Variants in PTPN13 observed in about 807,000 individuals in gnomAD.
PTPN13 encodes the protein protein tyrosine phosphatase non-receptor type 13, also known as tyrosine-protein phosphatase non-receptor type 13.
In PTPN13, 191 loss-of-function variants were observed where a neutral mutation model predicts 284.0. The ratio of observed to expected loss-of-function variants is 0.67; its 90% CI spans 0.60 to 0.76. The LOEUF (loss-of-function observed/expected upper bound fraction) is 0.76. PTPN13 is among the 30% of genes least tolerant of loss of function. The pLI, the probability that PTPN13 is intolerant of heterozygous loss-of-function variation, is 0.00. For synonymous variants in PTPN13, 986 were observed against 1,022.3 expected (o/e 0.96, Z 0.68); for missense variants, 2,797 against 2,939.9 (o/e 0.95, Z 1.12).
chr4:86,780,594 C>A (rs1741193742), intron 36 of PTPN13, 122 bp downstream of exon 36: 2 of 700,096 alleles, frequency 2.9e-6, no homozygotes, highest in Non-Finnish European at 2.5e-6. Context: ...AAATATAATC[C>A]AGCTTTTTCA....
intron 2 of PTPN13, among the ~76,000 whole-genome samples, chr4:86,646,831 AATAG>A (rs768876811): frequency 3.9e-5 from 6 of 152,252 alleles, no homozygotes; most frequent in Admixed American, 6.5e-5. Flanking sequence ...TCAACAAGTG[AATAG>A]ATAAACAAAT....
At chr4:86,775,398 G>C in intron 34 of PTPN13, 44 bp from the exon 35 acceptor site, 1 of 1,598,454 alleles carries the variant, frequency 6.3e-7, no homozygotes, top group Non-Finnish European at 8.6e-7. Context: ...TTAAGAGTAA[G>C]TACTTTTATG....
chr4:86,705,880 G>A (rs755694637), intron 7 of PTPN13, among the ~76,000 whole-genome samples: 2 of 151,712 alleles, frequency 1.3e-5, no homozygotes, highest in African/African-American at 2.4e-5. Flanking sequence ...ATAATAATTG[G>A]AAGAAACAAA....
chr4:86,742,002 A>G (rs1736221612), intron 16 of PTPN13, among the ~76,000 whole-genome samples, 186 bp downstream of exon 16: 2 of 152,164 alleles, frequency 1.3e-5, no homozygotes, highest in African/African-American at 4.8e-5. Context: ...GGTTTTTTCA[A>G]CAGGTGACTT....
rs1250344347 is a variant in PTPN13, at chr4:86,771,394, G to A, written c.5027G>A (p.Ser1676Asn). The A allele has an allele frequency of 1.3e-6, 2 of 1,568,338 alleles. No individual in the cohort carries two copies. Among genetic ancestry groups the A allele is most frequent in the Admixed American group, 1.9e-5 (1 of 52,790 alleles). ...GCAAACATATCAAATTCGACCTGGA[G>A]TTCAGCTTTGCATCAGACTCTAAGC... ...APANISNSTW[S>N]SALHQTLSNM... The change falls in exon 31 of 48, where the codon AGT (serine) becomes AAT (asparagine). Residue 1676 changes from serine to asparagine, a missense_variant. By Grantham distance (46) the Ser-to-Asn change is conservative (BLOSUM62 1). Coordinates refer to ENST00000411767, the MANE Select transcript of PTPN13 (RefSeq NM_080683.3).
At chr4:86,739,496 C>G (rs932678144) in intron 15 of PTPN13, among the ~76,000 whole-genome samples, 4 of 152,158 alleles carry the variant, frequency 2.6e-5, no homozygotes. Flanking sequence ...TACTCACTAT[C>G]ATGAGAACAG....
Position 86,751,370 on chromosome 4 carries a change from A to G in PTPN13, c.3166+246A>G, listed in dbSNP as rs186051500. Among the ~76,000 whole-genome samples the G allele has an allele frequency of 8.6e-3, 1,302 of 152,236 alleles. 6 individuals carry two copies. Among genetic ancestry groups the G allele is most frequent in the Non-Finnish European group, 0.014 (923 of 68,014 alleles). ...CAGACAGGGTCTTACTCTGTCACCC[A>G]GTCTGGAGTGCAGAGATCATGGCTC... On this transcript the variant is annotated intron_variant, in intron 19 of 47. Coordinates refer to ENST00000411767, the MANE Select transcript of PTPN13 (RefSeq NM_080683.3).
chr4:86,655,936 A>T (rs1322448024), intron 2 of PTPN13, among the ~76,000 whole-genome samples: 1 of 151,974 alleles, frequency 6.6e-6, no homozygotes, highest in Non-Finnish European at 1.5e-5. Flanking sequence ...AGGCTTTGTT[A>T]GTTTCTTTTT....
intron 4 of PTPN13, among the ~76,000 whole-genome samples, chr4:86,688,052 A>G (rs1393912783): frequency 6.6e-6 from 1 of 152,196 alleles, no homozygotes; most frequent in African/African-American, 2.4e-5. Context: ...AACATAATGC[A>G]ATAAATGCTA....
At chr4:86,594,947 G>T (rs1387900878) in intron 1 of PTPN13, among the ~76,000 whole-genome samples, 158 bp downstream of exon 1, 1 of 152,204 alleles carries the variant, frequency 6.6e-6, no homozygotes, top group African/African-American at 2.4e-5. Flanking sequence ...TTTGGTTTTG[G>T]TGGTGGGTGT....
intron 45 of PTPN13, among the ~76,000 whole-genome samples, chr4:86,809,568 T>C (rs1745003847): frequency 1.3e-5 from 2 of 152,104 alleles, no homozygotes; most frequent in South Asian, 4.2e-4. Context: ...TGTGGCAATG[T>C]GCGCCTGTAA....
At chr4:86,766,566 C>A in intron 27 of PTPN13, 49 bp downstream of exon 27, 1 of 1,327,926 alleles carries the variant, frequency 7.5e-7, no homozygotes, top group Non-Finnish European at 1.0e-6. Context: ...AAGAGCAAAA[C>A]AATGTGTGAA....
chr4:86,624,058 C>T (rs1400285657), intron 1 of PTPN13, among the ~76,000 whole-genome samples: 1 of 152,030 alleles, frequency 6.6e-6, no homozygotes, highest in Non-Finnish European at 1.5e-5. Context: ...AAACCTAGCA[C>T]CTATCAATGC....
At chr4:86,702,125 A>G (rs191085448) in intron 7 of PTPN13, among the ~76,000 whole-genome samples, 1 of 152,290 alleles carries the variant, frequency 6.6e-6, no homozygotes, top group East Asian at 1.9e-4. Flanking sequence ...TAAATTCTCC[A>G]CCATACCGTC....
At chr4:86,599,085 G>A (rs1397039463) in intron 1 of PTPN13, among the ~76,000 whole-genome samples, 2 of 152,106 alleles carry the variant, frequency 1.3e-5, no homozygotes, top group African/African-American at 2.4e-5. Context: ...TAATCTCCAT[G>A]CCCCGGCCTC....
At chr4:86,736,790 G>C (rs1391232758) in intron 15 of PTPN13, among the ~76,000 whole-genome samples, 1 of 152,168 alleles carries the variant, frequency 6.6e-6, no homozygotes, top group Non-Finnish European at 1.5e-5. Context: ...TGAACAATGT[G>C]TTTAACTTCT....
intron 2 of PTPN13, among the ~76,000 whole-genome samples, chr4:86,647,243 A>G (rs1011459577): frequency 5.3e-5 from 8 of 152,230 alleles, no homozygotes; most frequent in African/African-American, 1.9e-4. Context: ...TTATTCCCTA[A>G]CAAATCTGCT....
chr4:86,656,314 C>T (rs925738868), intron 2 of PTPN13, among the ~76,000 whole-genome samples: 1 of 152,220 alleles, frequency 6.6e-6, no homozygotes, highest in African/African-American at 2.4e-5. Context: ...GTGGGAGAGG[C>T]CCTCTGGTTT....
chr4:86,683,115 G>C (rs1427862598), intron 3 of PTPN13, among the ~76,000 whole-genome samples: 2 of 151,980 alleles, frequency 1.3e-5, no homozygotes, highest in Non-Finnish European at 2.9e-5. Flanking sequence ...TATTAGTCAA[G>C]GTTCTGCAGA....
Sources: allele counts gnomAD v4.1 joint callset (sites outside exome capture counted in the v4.1 genomes callset), GRCh38; gene constraint gnomAD v4.1.1; transcripts MANE v1.5; gene names NCBI Gene and HGNC (gene_info 2026-07-23, HGNC 2026-07-21).